The following CELF4 variants were observed in gnomAD, a reference collection of about 807,000 sequenced individuals.
CELF4 encodes CUG-BP- and ETR-3-like factor 4.
A neutral mutation model predicts 59.9 loss-of-function variants in CELF4; 18 were observed. That is an observed-to-expected ratio of 0.30 (90% confidence interval 0.21 to 0.45). The LOEUF (loss-of-function observed/expected upper bound fraction) is 0.45, where lower values mean the gene tolerates loss of function less well. Among genes scored for constraint, CELF4 ranks in the 20% least tolerant of loss-of-function variants. The probability of loss-of-function intolerance (pLI) is 1.00; values close to 1 mark genes in which losing one functional copy is unlikely to be tolerated. For missense variants in CELF4, 456 were observed against 689.0 expected, an observed-to-expected ratio of 0.66 and a Z score of 3.79; for synonymous variants, 261 against 267.1, an observed-to-expected ratio of 0.98 and a Z score of 0.22.
intron 2 of CELF4, among the ~76,000 whole-genome samples, chr18:37,331,867 A>C (rs1416812059): frequency 6.6e-6 from 1 of 151,732 alleles, no homozygotes; most frequent in Non-Finnish European, 1.5e-5. Context: ...AGGCAGGTGG[A>C]GGTGGGGAGG....
At chr18:37,319,232 G>T (rs1467859414) in intron 3 of CELF4, among the ~76,000 whole-genome samples, 1 of 152,238 alleles carries the variant, frequency 6.6e-6, no homozygotes, top group Non-Finnish European at 1.5e-5. Context: ...CCTGGACGAG[G>T]CTGAGTGAGG....
intron 2 of CELF4, among the ~76,000 whole-genome samples, chr18:37,435,809 C>G (rs1266200347): frequency 2.0e-5 from 3 of 152,200 alleles, no homozygotes; most frequent in African/African-American, 7.2e-5. Context: ...CAGAGAGGGT[C>G]AGAGCCCTGT....
At chr18:37,545,148 C>T (rs1568008500) in intron 1 of CELF4, among the ~76,000 whole-genome samples, 1 of 152,210 alleles carries the variant, frequency 6.6e-6, no homozygotes, top group Non-Finnish European at 1.5e-5. Flanking sequence ...AATAAGGGCA[C>T]CAGTGCCCAA....
At chr18:37,489,196 C>A (rs1373088716) in intron 1 of CELF4, among the ~76,000 whole-genome samples, 1 of 152,268 alleles carries the variant, frequency 6.6e-6, no homozygotes, top group African/African-American at 2.4e-5. Flanking sequence ...GCTGACACGC[C>A]AGCATGGCAG....
intron 2 of CELF4, among the ~76,000 whole-genome samples, chr18:37,337,588 G>A (rs2097818259): frequency 6.6e-6 from 1 of 152,152 alleles, no homozygotes; most frequent in Non-Finnish European, 1.5e-5. Context: ...CGGAGGAAAT[G>A]CCCCTGCAAG....
intron 2 of CELF4, among the ~76,000 whole-genome samples, chr18:37,469,691 A>T (rs2099816623): frequency 6.6e-6 from 1 of 152,242 alleles, no homozygotes; most frequent in Non-Finnish European, 1.5e-5. Context: ...AAGATGGCAC[A>T]TACTGTCTTC....
At chr18:37,449,088 G>A (rs1483104012) in intron 2 of CELF4, among the ~76,000 whole-genome samples, 3 of 152,354 alleles carry the variant, frequency 2.0e-5, no homozygotes, top group East Asian at 1.9e-4. Context: ...CAGCTTGCCA[G>A]TAGCAAAACC....
intron 1 of CELF4, among the ~76,000 whole-genome samples, chr18:37,507,989 C>G (rs972665041): frequency 2.6e-5 from 4 of 152,218 alleles, no homozygotes. Context: ...GATTCCTCCT[C>G]TCCACCAGCC....
At position 37,367,277 on chromosome 18, in the gene CELF4, G is replaced by A. The variant is rs544544753; in HGVS notation, c.370-45396C>T. Among the ~76,000 whole-genome samples, 5 of 152,158 alleles carry A rather than the reference G, an allele frequency of 3.3e-5. No individual in the cohort carries two copies. In the East Asian group the frequency reaches 7.7e-4, roughly 24 times the overall value. ...AGCAGGTGGACAGAAAGGAAACAGT[G>A]TTAGTCAAAGAGAGGGGGTGGGAAG... On this transcript the variant is annotated intron_variant, in intron 2 of 12. Coordinates refer to ENST00000420428, the MANE Select transcript of CELF4 (RefSeq NM_020180.4).
intron 1 of CELF4, among the ~76,000 whole-genome samples, chr18:37,509,023 C>CCCATCT (rs978055635): frequency 6.6e-6 from 1 of 152,186 alleles, no homozygotes; most frequent in Non-Finnish European, 1.5e-5. Context: ...AGCTCAAAGC[C>CCCATCT]CCATCTCGAT....
At chr18:37,384,427 G>A (rs1423037315) in intron 2 of CELF4, among the ~76,000 whole-genome samples, 1 of 152,124 alleles carries the variant, frequency 6.6e-6, no homozygotes, top group African/African-American at 2.4e-5. Flanking sequence ...GGTGGGGCAG[G>A]GTGTAGAGGG....
At chr18:37,331,444 A>G (rs1355479828) in intron 2 of CELF4, among the ~76,000 whole-genome samples, 2 of 152,164 alleles carry the variant, frequency 1.3e-5, no homozygotes, top group African/African-American at 4.8e-5. Context: ...GATGAGGGGA[A>G]GGTCGCTGAG....
intron 2 of CELF4, among the ~76,000 whole-genome samples, chr18:37,370,701 T>C (rs184771410): frequency 1.1e-3 from 167 of 152,296 alleles, no homozygotes; most frequent in African/African-American, 3.8e-3. Flanking sequence ...AACAAGCCTT[T>C]TCCTTAGGAC....
chr18:37,485,801 T>G, intron 1 of CELF4, 194 bp from the exon 2 acceptor site: 1 of 381,616 alleles, frequency 2.6e-6, no homozygotes, highest in Non-Finnish European at 4.6e-6. Context: ...CTCTCGTACC[T>G]CCCTTTGCTT....
intron 1 of CELF4, among the ~76,000 whole-genome samples, chr18:37,565,021 C>A (rs1434639531): frequency 2.0e-5 from 3 of 151,992 alleles, no homozygotes; most frequent in Admixed American, 6.5e-5. Context: ...TGGGCTCGAC[C>A]GGTGCAGCCT....
chr18:37,511,973 C>T (rs1397066698), intron 1 of CELF4, among the ~76,000 whole-genome samples: 5 of 151,996 alleles, frequency 3.3e-5, no homozygotes, highest in Admixed American at 1.3e-4. Context: ...GCAGCCACGA[C>T]TGCAGTTCAT....
chr18:37,539,337 T>C (rs1156501109), intron 1 of CELF4, among the ~76,000 whole-genome samples: 1 of 151,618 alleles, frequency 6.6e-6, no homozygotes, highest in Non-Finnish European at 1.5e-5. Flanking sequence ...AGTTAGAGAG[T>C]GGGAGAGCCC....
chr18:37,472,426 C>T (rs1308406489), intron 2 of CELF4, among the ~76,000 whole-genome samples: 1 of 152,252 alleles, frequency 6.6e-6, no homozygotes, highest in Admixed American at 6.5e-5. Context: ...TCAGAAGGGG[C>T]CAGGTAGGAA....
chr18:37,377,202 T>G (rs568499381), intron 2 of CELF4, among the ~76,000 whole-genome samples: 7 of 152,156 alleles, frequency 4.6e-5, no homozygotes, highest in African/African-American at 1.4e-4. Context: ...AGGAAGGCAG[T>G]GGTTGGGCTG....
Sources: gnomAD v4.1 joint callset for allele counts (sites outside exome capture counted in the v4.1 genomes callset) on GRCh38, gnomAD v4.1.1 for gene constraint, MANE v1.5 for transcripts, NCBI Gene and HGNC (gene_info 2026-07-23, HGNC 2026-07-21) for gene names.